The following RECK variants were observed in gnomAD, a reference collection of about 807,000 sequenced individuals.
RECK encodes reversion inducing cysteine rich protein with kazal motifs, also known as reversion-inducing cysteine-rich protein with Kazal motifs.
Under a neutral mutation model 115.1 loss-of-function variants are expected in RECK, and 69 were observed. That is an observed-to-expected ratio of 0.60 (90% CI 0.49 to 0.73). The LOEUF (loss-of-function observed/expected upper bound fraction) is 0.73. Ranked by LOEUF, RECK falls within the 30% of genes least tolerant of loss-of-function variation. The pLI is 0.00. For synonymous variants in RECK, 414 were observed against 419.7 expected, an observed-to-expected ratio of 0.99 and a Z score of 0.17; for missense variants, 1,047 against 1,203.7, an observed-to-expected ratio of 0.87 and a Z score of 1.93.
intron 17 of RECK, 57 bp downstream of exon 17, chr9:36,117,234 AT>A: frequency 7.2e-7 from 1 of 1,390,832 alleles, no homozygotes; most frequent in Non-Finnish European, 9.8e-7. Context: ...GGTTTATGAT[AT>A]TTTACAGATG....
intron 13 of RECK, among the ~76,000 whole-genome samples, chr9:36,107,604 C>CAAA (rs11315233): frequency 2.8e-5 from 2 of 70,968 alleles, no homozygotes; most frequent in African/African-American, 4.7e-5. Flanking sequence ...GACTCCGTCT[C>CAAA]AAAAAAAAAA....
chr9:36,058,153 G>T (rs1029152511), intron 2 of RECK, among the ~76,000 whole-genome samples: 3 of 145,850 alleles, frequency 2.1e-5, no homozygotes, highest in Non-Finnish European at 4.4e-5. Flanking sequence ...CCATTACTGG[G>T]TATATACCCA....
chr9:36,073,628 G>C (rs1183295007), intron 6 of RECK, among the ~76,000 whole-genome samples: 2 of 152,120 alleles, frequency 1.3e-5, no homozygotes, highest in Non-Finnish European at 2.9e-5. Flanking sequence ...TTTGATCCAT[G>C]TCACTACCTT....
intron 18 of RECK, 147 bp downstream of exon 18, chr9:36,119,114 G>A (rs946459219): frequency 2.5e-6 from 2 of 801,594 alleles, no homozygotes; most frequent in Admixed American, 2.9e-5. Context: ...TCACTACTTT[G>A]GGTTGACCTT....
intron 1 of RECK, among the ~76,000 whole-genome samples, chr9:36,050,257 C>T (rs1248375780): frequency 1.3e-5 from 2 of 152,188 alleles, no homozygotes; most frequent in Admixed American, 1.3e-4. Context: ...TCATCTCTCT[C>T]TCTCTGAGAT....
chr9:36,102,249 G>A lies in RECK; in HGVS notation c.1435+19G>A. 1 of 1,577,334 alleles carries A rather than the reference G, an allele frequency of 6.3e-7. No individual in the cohort carries two copies. The highest frequency in any genetic ancestry group is 1.2e-5 in the South Asian group (1 of 85,576). ...TACCTCAGTAAGTACTTTTTTGTAT[G>A]TGTGTTTTTAGATTTCAAATACTTC... On this transcript the variant is annotated intron_variant, in intron 12 of 20. Coordinates refer to ENST00000377966, the MANE Select transcript of RECK (RefSeq NM_021111.3).
At chr9:36,045,288 T>TA (rs773965703) in intron 1 of RECK, among the ~76,000 whole-genome samples, 4 of 152,238 alleles carry the variant, frequency 2.6e-5, no homozygotes, top group Non-Finnish European at 5.9e-5. Context: ...ATTTATAAGT[T>TA]AAAGTTGCAG....
At chr9:36,072,608 T>C (rs1343769849) in intron 6 of RECK, 1 of 152,146 alleles carries the variant, frequency 6.6e-6, no homozygotes, top group African/African-American at 2.4e-5. Flanking sequence ...ATTGCCAGGA[T>C]ATAGTAAATA....
chr9:36,045,349 A>T (rs1821030657), intron 1 of RECK, among the ~76,000 whole-genome samples: 1 of 152,204 alleles, frequency 6.6e-6, no homozygotes, highest in Non-Finnish European at 1.5e-5. Flanking sequence ...GTTGTTTTGA[A>T]AATTAAAATT....
intron 10 of RECK, 46 bp from the exon 11 acceptor site, chr9:36,100,285 A>G (rs1344542347): frequency 6.6e-7 from 1 of 1,516,594 alleles, no homozygotes; most frequent in South Asian, 1.2e-5. Context: ...GCTTCTCTCT[A>G]GAAAATAATT....
chr9:36,122,037 G>A (rs1266866309), intron 20 of RECK, among the ~76,000 whole-genome samples: 3 of 152,190 alleles, frequency 2.0e-5, no homozygotes, highest in Non-Finnish European at 4.4e-5. Context: ...CCAAGCCGGG[G>A]AAGGAACTGG....
chr9:36,080,723 G>A, intron 7 of RECK, 85 bp downstream of exon 7: 2 of 1,210,184 alleles, frequency 1.7e-6, no homozygotes, highest in Non-Finnish European at 2.4e-6. Context: ...GATTCCGATA[G>A]GCTCTTTCCC....
rs762671391 is a variant in RECK at position 36,123,066 on chromosome 9, A to G, written c.*21A>G. 2 of 1,583,640 alleles carry G rather than the reference A, an allele frequency of 1.3e-6. No homozygotes were observed. Among genetic ancestry groups the G allele is most frequent in the Admixed American group, 3.4e-5 (2 of 59,228 alleles). On this transcript the variant is annotated 3_prime_UTR_variant, in exon 21 of 21. Transcript: ENST00000377966. ...ACTGACTGCCCACGGAAAGTGCAGA[A>G]TGCTCCTCCACCTCACTCTCCTGCC... is the stretch of plus-strand genomic sequence containing the variant.
intron 10 of RECK, among the ~76,000 whole-genome samples, chr9:36,095,504 C>T (rs529226720): frequency 6.6e-6 from 1 of 152,296 alleles, no homozygotes; most frequent in Admixed American, 6.5e-5. Flanking sequence ...CCAAAACCGA[C>T]ATGGACATTA....
intron 6 of RECK, among the ~76,000 whole-genome samples, chr9:36,074,334 G>A (rs1822361629): frequency 6.6e-6 from 1 of 152,140 alleles, no homozygotes; most frequent in South Asian, 2.1e-4. Context: ...TCATTGAACT[G>A]ATACACACTG....
chr9:36,093,459 A>G (rs988956467), intron 10 of RECK, among the ~76,000 whole-genome samples: 7 of 152,198 alleles, frequency 4.6e-5, no homozygotes, highest in Admixed American at 1.3e-4. Flanking sequence ...TAGGTGAGAT[A>G]TGGAAGCTCT....
chr9:36,117,166 G>A lies in RECK; in HGVS notation c.2242G>A (p.Gly748Ser). ...YQRGKSLSYK[G>S]PCQPFCRATE... is the part of the protein sequence containing the mutation. ...AAGAGGAAAAAGCCTCTCTTACAAAGGTCCCTGCCAGGTACAGTGCTTTGG... is the reference window on the plus strand; with the variant it reads ...AAGAGGAAAAAGCCTCTCTTACAAAAGTCCCTGCCAGGTACAGTGCTTTGG... The change falls in exon 17 of 21, where the codon GGT becomes AGT. Residue 748 changes from glycine (G) to serine (S), a missense_variant. Physicochemically the swap from Gly to Ser is moderately conservative, Grantham distance 56 (BLOSUM62 0). Transcript: ENST00000377966. 1 of 1,610,912 alleles carries A rather than the reference G, an allele frequency of 6.2e-7. No homozygotes were observed. Among genetic ancestry groups the A allele is most frequent in the Non-Finnish European group, 8.5e-7 (1 of 1,177,972 alleles).
intron 8 of RECK, among the ~76,000 whole-genome samples, chr9:36,084,329 T>G (rs1171336460): frequency 7.3e-5 from 11 of 151,600 alleles, no homozygotes; most frequent in Non-Finnish European, 1.6e-4. Flanking sequence ...AGGCTGAGGT[T>G]GCAGTGAGCC....
chr9:36,087,185 T>C (rs185790972), intron 8 of RECK, among the ~76,000 whole-genome samples: 1 of 151,310 alleles, frequency 6.6e-6, no homozygotes, highest in Non-Finnish European at 1.5e-5. Flanking sequence ...AAAAAAAACA[T>C]GCACACATAT....
Sources: allele counts gnomAD v4.1 joint callset (sites outside exome capture counted in the v4.1 genomes callset), GRCh38; gene constraint gnomAD v4.1.1; transcripts MANE v1.5; gene names NCBI Gene and HGNC (gene_info 2026-07-23, HGNC 2026-07-21).